GBF1: variants seen among roughly 807,000 people sequenced by gnomAD.
The protein encoded by GBF1 is Golgi-specific brefeldin A-resistance guanine nucleotide exchange factor 1.
GBF1 carries 114 observed loss-of-function variants against 210.5 expected under a neutral mutation model. That is an observed-to-expected ratio of 0.54 (90% confidence interval 0.47 to 0.63). GBF1 has a LOEUF of 0.63. GBF1 is among the 30% of genes least tolerant of loss of function. The pLI, the probability that GBF1 is intolerant of heterozygous loss-of-function variation, is 0.00. For missense variants in GBF1, 1,851 were observed against 2,357.7 expected (o/e 0.79, Z 4.45); for synonymous variants, 850 against 889.2 (o/e 0.96, Z 0.78).
intron 3 of GBF1, among the ~76,000 whole-genome samples, chr10:102,320,217 T>C (rs1229885984): frequency 6.6e-6 from 1 of 152,192 alleles, no homozygotes; most frequent in Non-Finnish European, 1.5e-5. Flanking sequence ...TTGGAAATAG[T>C]TTTCCTTCGA....
chr10:102,339,953 ATT>A (rs398014644), intron 3 of GBF1, among the ~76,000 whole-genome samples: 16 of 129,210 alleles, frequency 1.2e-4, no homozygotes, highest in Admixed American at 1.6e-4. Context: ...TACCTGGTTA[ATT>A]TTTTTTTTTT....
chr10:102,236,078 G>A, the GBF1 span, among the ~76,000 whole-genome samples: 1 of 152,210 alleles, frequency 6.6e-6, no homozygotes, highest in Admixed American at 6.5e-5. Context: ...GCAATAGAGA[G>A]ATGGAAGGGT....
chr10:102,282,246 T>C (rs2075571381), intron 3 of GBF1, among the ~76,000 whole-genome samples: 1 of 152,098 alleles, frequency 6.6e-6, no homozygotes, highest in South Asian at 2.1e-4. Context: ...CCTGTATTCT[T>C]TTCAAGTTTC....
intron 3 of GBF1, among the ~76,000 whole-genome samples, chr10:102,342,251 A>G (rs917640710): frequency 1.4e-4 from 22 of 151,874 alleles, no homozygotes; most frequent in African/African-American, 5.3e-4. Context: ...GTTAGCCAGG[A>G]TGGTCTCGAT....
At chr10:102,243,289 T>C (rs550395771), upstream of GBF1, among the ~76,000 whole-genome samples, 6 of 152,288 alleles carry the variant, frequency 3.9e-5, no homozygotes, top group Admixed American at 3.9e-4. Flanking sequence ...ACCCACCATA[T>C]TGAAGGGATC....
At chr10:102,233,984 T>C in the GBF1 span, among the ~76,000 whole-genome samples, 1 of 151,840 alleles carries the variant, frequency 6.6e-6, no homozygotes, top group African/African-American at 2.4e-5. Context: ...TGCCTTTTGG[T>C]TGGAGGAGAA....
At chr10:102,277,657 G>A (rs999461838) in intron 3 of GBF1, among the ~76,000 whole-genome samples, 7 of 152,164 alleles carry the variant, frequency 4.6e-5, no homozygotes, top group African/African-American at 1.7e-4. Context: ...AGGATTACAG[G>A]CGTGAGCCAC....
intron 3 of GBF1, among the ~76,000 whole-genome samples, chr10:102,294,371 C>CT (rs1435211363): frequency 4.1e-5 from 6 of 145,600 alleles, no homozygotes; most frequent in Admixed American, 2.2e-4. Flanking sequence ...TTGCCATTTT[C>CT]TTTTTTTTCT....
intron 3 of GBF1, among the ~76,000 whole-genome samples, chr10:102,298,437 T>C (rs2077083647): frequency 1.3e-5 from 2 of 152,232 alleles, no homozygotes; most frequent in African/African-American, 4.8e-5. Flanking sequence ...AGTCACACAG[T>C]TTAGCATCAT....
intron 3 of GBF1, among the ~76,000 whole-genome samples, chr10:102,293,762 A>AGGT (rs2076636711): frequency 2.2e-5 from 1 of 44,572 alleles, no homozygotes; most frequent in Non-Finnish European, 4.2e-5. Context: ...CAGCTGTAGT[A>AGGT]TGTTTTGTGT....
intron 29 of GBF1, among the ~76,000 whole-genome samples, chr10:102,372,767 A>C (rs2060281357): frequency 6.6e-6 from 1 of 152,198 alleles, no homozygotes; most frequent in African/African-American, 2.4e-5. Flanking sequence ...CTTACAGGAA[A>C]ATTAACTCCA....
At chr10:102,377,186 C>T (rs1378538821) in intron 33 of GBF1, 46 bp downstream of exon 33, 2 of 1,501,702 alleles carry the variant, frequency 1.3e-6, no homozygotes, top group East Asian at 2.3e-5. Flanking sequence ...GCACCTGATA[C>T]TGGGAGCCTG....
chr10:102,233,460 C>T, the GBF1 span, among the ~76,000 whole-genome samples: 1 of 151,844 alleles, frequency 6.6e-6, no homozygotes, highest in Non-Finnish European at 1.5e-5. Flanking sequence ...CGTGCCCCCA[C>T]GCCTGGCTAA....
chr10:102,367,374 T>G (rs2059970888), intron 20 of GBF1, 104 bp from the exon 21 acceptor site: 1 of 1,135,566 alleles, frequency 8.8e-7, no homozygotes, highest in Non-Finnish European at 1.3e-6. Context: ...AGTGGGTTTT[T>G]TCGCTTACCT....
At chr10:102,231,839 A>G in the GBF1 span, 2 of 1,591,870 alleles carry the variant, frequency 1.3e-6, no homozygotes, top group Non-Finnish European at 1.7e-6. Context: ...GCCAGCGCAT[A>G]TTCTCCGGCT....
chr10:102,247,435 C>T (rs560884430), intron 1 of GBF1, among the ~76,000 whole-genome samples: 6 of 152,072 alleles, frequency 3.9e-5, no homozygotes, highest in South Asian at 2.1e-4. Context: ...AGTAGTTGAA[C>T]GCAGCAAATG....
chr10:102,240,427 C>T (rs1429148691), upstream of GBF1, among the ~76,000 whole-genome samples: 6 of 152,258 alleles, frequency 3.9e-5, no homozygotes, highest in Non-Finnish European at 8.8e-5. Context: ...TCGCTCCCTG[C>T]TCACAGCTTC....
chr10:102,267,862 A>G (rs2074018201), intron 3 of GBF1, among the ~76,000 whole-genome samples: 1 of 152,218 alleles, frequency 6.6e-6, no homozygotes, highest in Non-Finnish European at 1.5e-5. Context: ...TATAATATAA[A>G]ACTATAGTTG....
At chr10:102,358,911 T>A (rs1327503100) in intron 10 of GBF1, among the ~76,000 whole-genome samples, 182 bp downstream of exon 10, 1 of 152,172 alleles carries the variant, frequency 6.6e-6, no homozygotes, top group East Asian at 1.9e-4. Context: ...CATGACTCAC[T>A]GTGAGAGATA....
Sources: allele counts gnomAD v4.1 joint callset (sites outside exome capture counted in the v4.1 genomes callset), GRCh38; gene constraint gnomAD v4.1.1; transcripts MANE v1.5; gene names NCBI Gene and HGNC (gene_info 2026-07-23, HGNC 2026-07-21).